Variants in AMMECR1 observed in about 807,000 individuals in gnomAD.
AMMECR1 encodes the protein AMMECR nuclear protein 1, also known as nuclear protein AMMECR1.
A neutral mutation model predicts 22.5 loss-of-function variants in AMMECR1; 3 were observed. The ratio of observed to expected loss-of-function variants is 0.13; its 90% CI spans 0.06 to 0.35. The LOEUF is 0.35. AMMECR1 is among the 10% of genes least tolerant of loss of function. The pLI is 1.00. For missense variants in AMMECR1, 235 were observed against 278.7 expected (o/e 0.84, Z 1.12); for synonymous variants, 130 against 116.7 (o/e 1.11, Z -0.74).
intron 2 of AMMECR1, among the ~76,000 whole-genome samples, chrX:110,399,444 A>G (rs2068549925): frequency 8.9e-6 from 1 of 112,455 alleles, no homozygotes; most frequent in Non-Finnish European, 1.9e-5. Flanking sequence ...GCAGGTGGAG[A>G]TGACCCTGGT....
intron 1 of AMMECR1, among the ~76,000 whole-genome samples, chrX:110,289,626 G>A (rs915236143): frequency 2.7e-5 from 3 of 111,481 alleles, no homozygotes; most frequent in African/African-American, 9.8e-5. Context: ...ATACCTACAA[G>A]GCAAATGTGC....
intron 1 of AMMECR1, among the ~76,000 whole-genome samples, chrX:110,308,114 C>T (rs1211049678): frequency 2.7e-5 from 3 of 110,924 alleles, no homozygotes; most frequent in Non-Finnish European, 5.7e-5. Context: ...TGGGTTCAAG[C>T]AATCCTCCTG....
At chrX:110,371,555 T>A (rs901424881) in intron 2 of AMMECR1, among the ~76,000 whole-genome samples, 1 of 111,239 alleles carries the variant, frequency 9.0e-6, no homozygotes, top group Non-Finnish European at 1.9e-5. Flanking sequence ...CTTCCCAGCC[T>A]CTGGTAACCA....
rs751887543 is a variant in AMMECR1, at chrX:110,367,300, C to A, written c.-147-49451G>T. Among the ~76,000 whole-genome samples the A allele has an allele frequency of 3.6e-5, 4 of 112,074 alleles. No homozygotes were observed. In the East Asian group the frequency reaches 1.1e-3, roughly 32 times the overall value. On this transcript the variant is annotated intron_variant, in intron 2 of 7. Transcript: ENST00000372057. ...AAAATTCTGGAATGAGTTGTCTCTG[C>A]TCATTCGTTCCAATTTCTCTCCTCT...
intron 2 of AMMECR1, among the ~76,000 whole-genome samples, chrX:110,253,076 C>T (rs1171334247): frequency 8.9e-6 from 1 of 111,775 alleles, no homozygotes; most frequent in East Asian, 2.8e-4. Context: ...GGGGACCATG[C>T]TTGGTGTGTT....
chrX:110,354,352 A>G (rs981466336), intron 2 of AMMECR1, among the ~76,000 whole-genome samples: 2 of 112,124 alleles, frequency 1.8e-5, no homozygotes, highest in South Asian at 7.5e-4. Context: ...TGTACTTTAC[A>G]TGTACATACT....
In AMMECR1 at chrX:110,351,527, T is replaced by C. The variant is rs902088641; in HGVS notation, c.-147-33678A>G. ...TTTTAACAAATAGTGCTGAGACAAC[T>C]GCATCTTCACATGCAAAAGAATGAG... On this transcript the variant is annotated intron_variant, in intron 2 of 7. Coordinates refer to the AMMECR1 transcript ENST00000372057. Among the ~76,000 whole-genome samples the C allele has an allele frequency of 2.7e-5, 3 of 111,885 alleles. No homozygotes were observed. The East Asian group carries it at 8.4e-4, about 31-fold the overall frequency.
chrX:110,415,648 G>A (rs747756520), intron 2 of AMMECR1, among the ~76,000 whole-genome samples: 9 of 111,222 alleles, frequency 8.1e-5, no homozygotes, highest in Non-Finnish European at 1.3e-4. Flanking sequence ...TGCCAATTAC[G>A]TTGGATTTGC....
intron 3 of AMMECR1, among the ~76,000 whole-genome samples, chrX:110,203,064 A>G (rs2067404914): frequency 8.9e-6 from 1 of 112,183 alleles, no homozygotes; most frequent in Admixed American, 9.5e-5. Context: ...ATTAATAATG[A>G]AAACAACCAG....
upstream of AMMECR1, among the ~76,000 whole-genome samples, chrX:110,322,049 C>A (rs899393259): frequency 8.9e-6 from 1 of 112,423 alleles, no homozygotes; most frequent in Non-Finnish European, 1.9e-5. Context: ...CTTTCTTTAT[C>A]TAATGAACAC....
At position 110,291,479 on chromosome X, in the gene AMMECR1, T is replaced by C. The variant is rs985003767; in HGVS notation, c.473+26120A>G. ...AGGCAGAGGTCGCAGTGAGCAGAGA[T>C]CGTGCCATTGCACTCCAGCCTGGGC... On this transcript the variant is annotated intron_variant, in intron 1 of 5. Coordinates refer to ENST00000262844, the MANE Select transcript of AMMECR1 (RefSeq NM_015365.3). Among the ~76,000 whole-genome samples the C allele has an allele frequency of 2.7e-5, 3 of 111,294 alleles. No individual in the cohort carries two copies. In the Admixed American group the frequency reaches 2.8e-4, roughly 11 times the overall value.
At chrX:110,250,415 C>T in intron 2 of AMMECR1, among the ~76,000 whole-genome samples, 1 of 111,671 alleles carries the variant, frequency 9.0e-6, no homozygotes, top group East Asian at 2.8e-4. Context: ...GATATTGTGG[C>T]AGCAGTAGCT....
chrX:110,346,193 A>G (rs370088516), intron 2 of AMMECR1, among the ~76,000 whole-genome samples: 1 of 112,365 alleles, frequency 8.9e-6, no homozygotes, highest in African/African-American at 3.2e-5. Context: ...GTAGTGTTTT[A>G]TAATCTCTAT....
intron 2 of AMMECR1, among the ~76,000 whole-genome samples, chrX:110,353,736 T>A (rs1237116921): frequency 1.8e-5 from 2 of 111,809 alleles, no homozygotes; most frequent in African/African-American, 6.5e-5. Flanking sequence ...ACATGATCTA[T>A]CATGGAGAGT....
At chrX:110,276,720 T>G (rs2067828068) in intron 1 of AMMECR1, among the ~76,000 whole-genome samples, 1 of 111,618 alleles carries the variant, frequency 9.0e-6, no homozygotes, top group Admixed American at 9.5e-5. Flanking sequence ...AGCAGTTGTT[T>G]TCTGCCCAGC....
intron 2 of AMMECR1, among the ~76,000 whole-genome samples, chrX:110,420,603 T>C (rs761898517): frequency 3.2e-4 from 36 of 112,056 alleles, no homozygotes; most frequent in Non-Finnish European, 5.3e-4. Flanking sequence ...TTAAACAAAC[T>C]TTCAGTGTTC....
At chrX:110,409,558 A>G (rs937685935) in intron 2 of AMMECR1, among the ~76,000 whole-genome samples, 2 of 111,159 alleles carry the variant, frequency 1.8e-5, no homozygotes, top group Admixed American at 1.9e-4. Flanking sequence ...ATAATCTGTC[A>G]ATGCCCTCCA....
upstream of AMMECR1, chrX:110,318,327 C>T (rs1445228757): frequency 2.7e-5 from 3 of 111,736 alleles, no homozygotes; most frequent in African/African-American, 9.8e-5. Context: ...GAGCCGCAGC[C>T]CCAGCCCCAG....
intron 2 of AMMECR1, among the ~76,000 whole-genome samples, chrX:110,236,496 A>AT (rs2067602163): frequency 8.9e-6 from 1 of 112,354 alleles, no homozygotes; most frequent in Admixed American, 9.4e-5. Flanking sequence ...GCAAAACCCT[A>AT]TAGAAATCCA....
Sources: allele counts gnomAD v4.1 joint callset (sites outside exome capture counted in the v4.1 genomes callset), GRCh38; gene constraint gnomAD v4.1.1; transcripts MANE v1.5; gene names NCBI Gene and HGNC (gene_info 2026-07-23, HGNC 2026-07-21).